Variants in PIWIL3 observed in about 807,000 individuals in gnomAD.
PIWIL3 encodes piwi like RNA-mediated gene silencing 3.
Under a neutral mutation model 109.7 loss-of-function variants are expected in PIWIL3, and 101 were observed. The ratio of observed to expected loss-of-function variants is 0.92; its 90% CI spans 0.78 to 1.09. The LOEUF is 1.09. Among genes scored for constraint, PIWIL3 ranks in the 50% least tolerant of loss-of-function variants. The pLI, the probability that PIWIL3 is intolerant of heterozygous loss-of-function variation, is 0.00. For synonymous variants in PIWIL3, 373 were observed against 376.4 expected (o/e 0.99, Z 0.10); for missense variants, 1,031 against 1,072.6 (o/e 0.96, Z 0.54).
At chr22:24,727,632 T>G (rs900101171) in intron 16 of PIWIL3, among the ~76,000 whole-genome samples, 2 of 152,150 alleles carry the variant, frequency 1.3e-5, no homozygotes, top group Non-Finnish European at 2.9e-5. Flanking sequence ...ACACCTTAAT[T>G]TATGCCTTGT....
chr22:24,728,823 T>A (rs1259212481), intron 14 of PIWIL3, among the ~76,000 whole-genome samples: 1 of 152,086 alleles, frequency 6.6e-6, no homozygotes. Flanking sequence ...TTGACAAGGA[T>A]GGGTTAAAAT....
intron 1 of PIWIL3, among the ~76,000 whole-genome samples, chr22:24,771,740 C>CTT (rs11440307): frequency 2.3e-4 from 34 of 149,048 alleles, no homozygotes; most frequent in East Asian, 3.9e-4. Flanking sequence ...CTCTTGCCCT[C>CTT]TTTTTTTTTT....
chr22:24,747,837 T>A (rs1234383215), intron 12 of PIWIL3, among the ~76,000 whole-genome samples: 1 of 152,160 alleles, frequency 6.6e-6, no homozygotes, highest in Non-Finnish European at 1.5e-5. Flanking sequence ...TTGGTGGGAA[T>A]GTCAATTACT....
chr22:24,728,013 T>A lies in PIWIL3; in HGVS notation c.1946A>T (p.Asp649Val), dbSNP rs779372603. 6.2e-7 allele frequency: 1 copy of A among 1,614,116 alleles called. No individual in the cohort carries two copies. Residue 649 changes from aspartate to valine, a missense_variant, in exon 16 of 21, where the codon GAT (aspartate) becomes GTT (valine). Coordinates refer to ENST00000616349, the MANE Select transcript of PIWIL3 (RefSeq NM_001255975.1). ...TATTGATTTCTGTCGATTTACGATA[T>A]CGTGGAAACAATCAATGCCAACGAA... ...TMFVGIDCFH[D>V]IVNRQKSIAG... is the part of the protein sequence containing the mutation.
rs1923514097 is a variant in PIWIL3 at position 24,734,127 on chromosome 22, T to C, written c.1664A>G (p.Tyr555Cys). 1 of 1,612,926 alleles carries C rather than the reference T, an allele frequency of 6.2e-7. No individual in the cohort carries two copies. The stretch of plus-strand genomic sequence containing the variant: ...AGTATATTTCCGTAATGTGTCTATA[T>C]AGGAGTTAGCATCACCATCTACTTC... ...MIEVDGDANS[Y>C]IDTLRKYTRP... The change falls in exon 14 of 21, where the codon TAT becomes TGT. Residue 555 changes from tyrosine to cysteine, a missense_variant. By Grantham distance (194) the Tyr-to-Cys change is radical. Coordinates refer to ENST00000616349, the MANE Select transcript of PIWIL3 (RefSeq NM_001255975.1).
At chr22:24,756,298 G>C (rs1223779452) in intron 5 of PIWIL3, among the ~76,000 whole-genome samples, 193 bp downstream of exon 5, 1 of 151,946 alleles carries the variant, frequency 6.6e-6, no homozygotes. Context: ...TTTCATTTAA[G>C]CATTAAAATC....
In PIWIL3 at chr22:24,756,620, AAC is replaced by A; in HGVS notation, c.439_440del (p.Val147Ter). 1 of 1,614,032 alleles carries A rather than the reference AAC, an allele frequency of 6.2e-7. No individual in the cohort carries two copies. Among genetic ancestry groups the A allele is most frequent in the Non-Finnish European group, 8.5e-7 (1 of 1,179,910 alleles). ...RPQWVAYKYN[V>X]DYKPDIEDGN... The stretch of plus-strand genomic sequence containing the variant: ...CATCTTCTATGTCTGGTTTGTAGTC[AAC>A]GTTGTATTTATATGCAACCCACTGA... On this transcript the variant is annotated frameshift_variant, in exon 5 of 21. Coordinates refer to ENST00000616349, the MANE Select transcript of PIWIL3 (RefSeq NM_001255975.1). LOFTEE classifies it high-confidence loss of function.
intron 17 of PIWIL3, 127 bp downstream of exon 17, chr22:24,725,318 C>T (rs576797907): frequency 6.9e-6 from 8 of 1,167,780 alleles, no homozygotes. Flanking sequence ...AGTAGCACCT[C>T]CACCCCAGTT....
chr22:24,734,038 T>C, intron 14 of PIWIL3, 46 bp downstream of exon 14: 1 of 1,564,126 alleles, frequency 6.4e-7, no homozygotes, highest in Non-Finnish European at 8.6e-7. Flanking sequence ...CAAGATGGTT[T>C]GGAACAATAA....
At chr22:24,757,763 G>T in intron 4 of PIWIL3, 145 bp downstream of exon 4, 1 of 940,474 alleles carries the variant, frequency 1.1e-6, no homozygotes, top group Non-Finnish European at 1.5e-6. Flanking sequence ...CTCAGGATCA[G>T]CTGAGCCCAG....
intron 8 of PIWIL3, among the ~76,000 whole-genome samples, chr22:24,752,384 A>C (rs529449947): frequency 1.2e-3 from 188 of 152,288 alleles, no homozygotes; most frequent in African/African-American, 4.3e-3. Flanking sequence ...CCCGCCCACC[A>C]GATGGAGATC....
At chr22:24,761,518 T>C (rs890322054) in intron 2 of PIWIL3, among the ~76,000 whole-genome samples, 1 of 152,134 alleles carries the variant, frequency 6.6e-6, no homozygotes, top group African/African-American at 2.4e-5. Context: ...AGTGAGTCTG[T>C]AGACAGACGG....
chr22:24,765,886 A>AT (rs1224461710), intron 1 of PIWIL3, among the ~76,000 whole-genome samples: 1 of 151,806 alleles, frequency 6.6e-6, no homozygotes, highest in African/African-American at 2.4e-5. Flanking sequence ...ATGTGAAGAC[A>AT]TTTTTTGCTA....
Position 24,735,803 on chromosome 22 carries a change from G to C in PIWIL3, c.1539C>G (p.Leu513=). The change falls in exon 13 of 21, where the codon CTC becomes CTG. Residue 513 remains leucine (L), a synonymous_variant. Coordinates refer to ENST00000616349, the MANE Select transcript of PIWIL3 (RefSeq NM_001255975.1). ...CTTCTCTGTGACTGCTCCTGCTATA[G>C]AGTATGAGCCAACTATGTAGTGGCA... ...NAMPLHSWLI[L]YSRSSHREAM... is the part of the protein sequence containing the mutation. 1 of 1,613,528 alleles carries C rather than the reference G, an allele frequency of 6.2e-7. No homozygotes were observed. The highest frequency in any genetic ancestry group is 8.5e-7 in the Non-Finnish European group (1 of 1,179,456).
chr22:24,731,339 C>A (rs149905896), intron 14 of PIWIL3, among the ~76,000 whole-genome samples: 246 of 152,290 alleles, frequency 1.6e-3, no homozygotes, highest in African/African-American at 5.7e-3. Flanking sequence ...AGGACTCAGA[C>A]CTTAGTTATA....
intron 12 of PIWIL3, among the ~76,000 whole-genome samples, chr22:24,744,206 A>AAAAAAAC (rs1243624300): frequency 6.7e-6 from 1 of 148,234 alleles, no homozygotes; most frequent in Non-Finnish European, 1.5e-5. Context: ...AAAAAAAAAA[A>AAAAAAAC]ACAATGATCT....
At chr22:24,741,007 TCAA>T (rs142210045) in intron 12 of PIWIL3, among the ~76,000 whole-genome samples, 2,529 of 152,200 alleles carry the variant, frequency 0.017, 77 homozygotes, top group African/African-American at 0.058. Context: ...GTAAAAATTC[TCAA>T]CAAAATACTA....
At position 24,732,368 on chromosome 22, in the gene PIWIL3, C is replaced by T. The variant is rs1923403720; in HGVS notation, c.1707+1716G>A. 2.0e-5 allele frequency among the ~76,000 whole-genome samples: 3 copies of T among 152,290 alleles called. No individual in the cohort carries two copies. The South Asian group carries it at 6.2e-4, about 32-fold the overall frequency. On this transcript the variant is annotated intron_variant, in intron 14 of 20. Coordinates refer to ENST00000616349, the MANE Select transcript of PIWIL3 (RefSeq NM_001255975.1). The stretch of plus-strand genomic sequence containing the variant: ...GGTACATAAGATTGTGGACACGCTT[C>T]CCCCATGCCATCTGACATAATGCCT...
Position 24,720,180 on chromosome 22 carries a change from G to A in PIWIL3, c.2358-285C>T, listed in dbSNP as rs150893610. On this transcript the variant is annotated intron_variant, in intron 19 of 20. Coordinates refer to ENST00000616349, the MANE Select transcript of PIWIL3 (RefSeq NM_001255975.1). ...AAGATTGGCACATTTGATCTGATATGGCCATAGATAATTCTATTCGGAGAT... is the reference window on the plus strand; with the variant it reads ...AAGATTGGCACATTTGATCTGATATAGCCATAGATAATTCTATTCGGAGAT... 3.3e-3 allele frequency among the ~76,000 whole-genome samples: 494 copies of A among 151,170 alleles called. 3 individuals carry two copies. Among genetic ancestry groups the A allele is most frequent in the African/African-American group, 0.012 (477 of 41,070 alleles).
Sources: allele counts gnomAD v4.1 joint callset (sites outside exome capture counted in the v4.1 genomes callset), GRCh38; gene constraint gnomAD v4.1.1; transcripts MANE v1.5; gene names NCBI Gene and HGNC (gene_info 2026-07-23, HGNC 2026-07-21).